SULF1: variants seen among roughly 807,000 people sequenced by gnomAD.
SULF1 encodes the protein extracellular sulfatase Sulf-1.
A neutral mutation model predicts 110.5 loss-of-function variants in SULF1; 46 were observed. The ratio of observed to expected loss-of-function variants is 0.42; its 90% CI spans 0.33 to 0.53. The LOEUF is 0.53. Among genes scored for constraint, SULF1 ranks in the 20% least tolerant of loss-of-function variants. The pLI is 0.12. For missense variants in SULF1, 941 were observed against 1,094.2 expected (o/e 0.86, Z 1.98); for synonymous variants, 371 against 387.1 (o/e 0.96, Z 0.49).
At chr8:69,626,350 G>A (rs1047386759) in intron 15 of SULF1, among the ~76,000 whole-genome samples, 13 of 152,230 alleles carry the variant, frequency 8.5e-5, no homozygotes, top group Non-Finnish European at 1.9e-4. Context: ...GCTGATTGGT[G>A]TGTTTACAAT....
chr8:69,505,721 G>C (rs1264090953), intron 3 of SULF1, among the ~76,000 whole-genome samples: 2 of 152,066 alleles, frequency 1.3e-5, no homozygotes, highest in African/African-American at 4.8e-5. Context: ...TTGTCTTGCT[G>C]CAGAATATAG....
Position 69,658,731 on chromosome 8 carries a change from T to C in SULF1, c.*196T>C, listed in dbSNP as rs1368223793. The C allele has an allele frequency of 5.9e-6, 4 of 680,264 alleles. No individual in the cohort carries two copies. The highest frequency in any genetic ancestry group is 3.0e-5 in the South Asian group (2 of 66,542). The allele number at this position is 680,264 out of a possible 1,614,324, so 42.1% of individuals were successfully genotyped here. ...AAAATAAAACAAATAAGACTCAAAC[T>C]GCTCAAAGTGACGGGTTCTTGGTTG... On this transcript the variant is annotated 3_prime_UTR_variant, in exon 23 of 23. Transcript: ENST00000402687.
intron 1 of SULF1, among the ~76,000 whole-genome samples, chr8:69,482,838 T>C (rs1397712689): frequency 6.6e-6 from 1 of 152,202 alleles, no homozygotes. Flanking sequence ...CTCCTAACTA[T>C]AATCTATTTC....
intron 5 of SULF1, among the ~76,000 whole-genome samples, chr8:69,569,551 G>A (rs1042608180): frequency 2.6e-5 from 4 of 152,122 alleles, no homozygotes; most frequent in African/African-American, 9.7e-5. Flanking sequence ...ATTTATCATT[G>A]ACCATACTGC....
intron 5 of SULF1, 85 bp downstream of exon 5, chr8:69,564,232 C>T: frequency 6.6e-7 from 1 of 1,504,302 alleles, no homozygotes; most frequent in Non-Finnish European, 9.2e-7. Context: ...CATTCTGAGG[C>T]TTTGCACTTA....
At chr8:69,499,315 C>A (rs1299767770) in intron 2 of SULF1, among the ~76,000 whole-genome samples, 2 of 152,122 alleles carry the variant, frequency 1.3e-5, no homozygotes, top group African/African-American at 4.8e-5. Context: ...ATAAACGAAA[C>A]CCATACACCA....
At chr8:69,643,239 G>A (rs1389449610) in intron 22 of SULF1, among the ~76,000 whole-genome samples, 3 of 152,152 alleles carry the variant, frequency 2.0e-5, no homozygotes, top group Admixed American at 6.5e-5. Context: ...GGCCTTACCT[G>A]CTCCTTGTAT....
intron 2 of SULF1, among the ~76,000 whole-genome samples, chr8:69,499,712 C>T (rs1221361980): frequency 6.6e-6 from 1 of 152,080 alleles, no homozygotes; most frequent in African/African-American, 2.4e-5. Context: ...CTTCAATAGC[C>T]CATAACAATT....
In SULF1 at chr8:69,649,972, C is replaced by CTTTTTTTTTTTTT. The variant is rs536073966; in HGVS notation, c.2586-8508_2586-8496dup. On this transcript the variant is annotated intron_variant, in intron 22 of 22. Transcript: ENST00000402687. ...CCCACTCTGTAATTCCTCCTGCTTG[C>CTTTTTTTTTTTTT]TTTTTTTTTTTTTTTTTTTTTTTTT... Among the ~76,000 whole-genome samples, 23 of 30,588 alleles carry CTTTTTTTTTTTTT rather than the reference C, an allele frequency of 7.5e-4. 11 individuals are homozygous for CTTTTTTTTTTTTT. Among genetic ancestry groups the CTTTTTTTTTTTTT allele is most frequent in the African/African-American group, 9.8e-4 (9 of 9,140 alleles). The allele number at this position is 30,588 out of a possible 152,430, so 20.1% of individuals were successfully genotyped here. A position where few individuals can be genotyped will look rare whatever the true frequency, so the allele number is the denominator to read the frequency against.
intron 3 of SULF1, among the ~76,000 whole-genome samples, chr8:69,552,739 A>C (rs552278776): frequency 2.0e-5 from 3 of 152,380 alleles, no homozygotes; most frequent in African/African-American, 7.2e-5. Flanking sequence ...GTAAACCACC[A>C]CATAGGTATG....
At chr8:69,500,978 C>T (rs543538959) in intron 2 of SULF1, among the ~76,000 whole-genome samples, 1 of 152,036 alleles carries the variant, frequency 6.6e-6, no homozygotes, top group South Asian at 2.1e-4. Context: ...CTCGCCAAGG[C>T]CAGCTCAGGA....
upstream of SULF1, among the ~76,000 whole-genome samples, chr8:69,488,560 A>G (rs1809791042): frequency 6.6e-6 from 1 of 151,854 alleles, no homozygotes; most frequent in Admixed American, 6.6e-5. Flanking sequence ...GCAAAACTCC[A>G]ACGGATGGGC....
At chr8:69,620,509 T>C (rs1809514669) in intron 13 of SULF1, among the ~76,000 whole-genome samples, 1 of 152,206 alleles carries the variant, frequency 6.6e-6, no homozygotes, top group African/African-American at 2.4e-5. Flanking sequence ...CCTGACAAGT[T>C]TGCTAATGTC....
intron 22 of SULF1, among the ~76,000 whole-genome samples, chr8:69,653,510 T>C (rs1250984705): frequency 3.9e-5 from 6 of 152,254 alleles, no homozygotes; most frequent in African/African-American, 7.2e-5. Context: ...GAAGCTTCTG[T>C]CCTTGAGTTC....
At chr8:69,497,155 CTTT>C (rs5892193) in intron 2 of SULF1, among the ~76,000 whole-genome samples, 4,011 of 121,674 alleles carry the variant, frequency 0.033, 80 homozygotes, top group Middle Eastern at 0.054. Flanking sequence ...GTTCTTTTCT[CTTT>C]TTTTTTTTTT....
chr8:69,539,290 C>T (rs144470827), intron 3 of SULF1, among the ~76,000 whole-genome samples: 142 of 151,880 alleles, frequency 9.3e-4, no homozygotes, highest in African/African-American at 3.3e-3. Flanking sequence ...TTTAGTCTAC[C>T]GAATAAAAAT....
At chr8:69,548,559 C>A (rs1285771630) in intron 3 of SULF1, among the ~76,000 whole-genome samples, 1 of 151,432 alleles carries the variant, frequency 6.6e-6, no homozygotes, top group African/African-American at 2.4e-5. Context: ...ACAATCCTCC[C>A]ACCTCAGCCT....
At chr8:69,579,219 A>G (rs571536685) in intron 6 of SULF1, among the ~76,000 whole-genome samples, 1 of 151,134 alleles carries the variant, frequency 6.6e-6, no homozygotes, top group Admixed American at 6.6e-5. Flanking sequence ...ATATGGGCTC[A>G]GGAAAACAAA....
At chr8:69,559,130 A>C (rs1054728903) in intron 3 of SULF1, among the ~76,000 whole-genome samples, 1 of 152,230 alleles carries the variant, frequency 6.6e-6, no homozygotes, top group African/African-American at 2.4e-5. Flanking sequence ...GTAGTTGGAA[A>C]GTAGAAGCAT....
Sources: allele counts gnomAD v4.1 joint callset (sites outside exome capture counted in the v4.1 genomes callset), GRCh38; gene constraint gnomAD v4.1.1; transcripts MANE v1.5; gene names NCBI Gene and HGNC (gene_info 2026-07-23, HGNC 2026-07-21).